Variants in WHRN observed in about 807,000 individuals in gnomAD.
WHRN encodes CASK-interacting protein CIP98.
Under a neutral mutation model 68.3 loss-of-function variants are expected in WHRN, and 41 were observed. That is an observed-to-expected ratio of 0.60 (90% CI 0.47 to 0.78). The LOEUF is 0.78. WHRN is among the 30% of genes least tolerant of loss of function. The pLI is 0.00. For missense variants in WHRN, 1,243 were observed against 1,244.7 expected (o/e 1.00, Z 0.02); for synonymous variants, 560 against 561.3 (o/e 1.00, Z 0.03).
At chr9:114,447,839 A>C (rs1026957370) in intron 3 of WHRN, among the ~76,000 whole-genome samples, 3 of 152,134 alleles carry the variant, frequency 2.0e-5, no homozygotes, top group African/African-American at 4.8e-5. Flanking sequence ...TATGCATTTT[A>C]AACTGCCCAA....
chr9:114,442,378 A>C (rs1838447019), intron 3 of WHRN, among the ~76,000 whole-genome samples: 1 of 152,234 alleles, frequency 6.6e-6, no homozygotes, highest in Non-Finnish European at 1.5e-5. Flanking sequence ...TCTTAGAGAA[A>C]AAAAATACTG....
chr9:114,406,648 G>T lies in WHRN; in HGVS notation c.1943C>A (p.Ser648Tyr), dbSNP rs142653982. The T allele has an allele frequency of 2.4e-4, 393 of 1,613,252 alleles. No individual in the cohort carries two copies. The African/African-American group carries it at 2.7e-3, about 11-fold the overall frequency. ...GTSSAQDLPS[S>Y]PIYASVSPAN... ...AGGGGAGACGGAGGCATAGATGGGG[G>T]AAGAGGGCAAGTCCTGTGCAGAGGA... is the stretch of plus-strand genomic sequence containing the variant. Residue 648 changes from serine (S) to tyrosine (Y), a missense_variant, in exon 9 of 12, where the codon TCC becomes TAC. Transcript: ENST00000362057.
chr9:114,463,744 C>T (rs1405827054), intron 3 of WHRN, among the ~76,000 whole-genome samples: 1 of 152,206 alleles, frequency 6.6e-6, no homozygotes, highest in Non-Finnish European at 1.5e-5. Flanking sequence ...TTATTTCCCC[C>T]TGGAGTCCAA....
At chr9:114,462,885 G>T (rs1159879798) in intron 3 of WHRN, among the ~76,000 whole-genome samples, 2 of 152,186 alleles carry the variant, frequency 1.3e-5, no homozygotes, top group Non-Finnish European at 2.9e-5. Flanking sequence ...CAATAAAAGG[G>T]TAAGAGGATA....
intron 3 of WHRN, among the ~76,000 whole-genome samples, chr9:114,437,593 T>C (rs1276080590): frequency 6.6e-6 from 1 of 152,192 alleles, no homozygotes; most frequent in Non-Finnish European, 1.5e-5. Context: ...GGTGGGGTCC[T>C]AATCCAAAAG....
intron 1 of WHRN, among the ~76,000 whole-genome samples, chr9:114,485,324 T>C (rs1343899976): frequency 6.6e-6 from 1 of 152,238 alleles, no homozygotes; most frequent in Non-Finnish European, 1.5e-5. Context: ...ACAATGGTGT[T>C]GGCTCTGTAG....
intron 3 of WHRN, among the ~76,000 whole-genome samples, chr9:114,435,322 G>GGA (rs1457466277): frequency 6.6e-6 from 1 of 152,170 alleles, no homozygotes; most frequent in African/African-American, 2.4e-5. Flanking sequence ...ATACAAACAA[G>GGA]CTAGTCCCCT....
intron 1 of WHRN, among the ~76,000 whole-genome samples, chr9:114,502,624 G>C (rs1317588005): frequency 6.6e-6 from 1 of 152,102 alleles, no homozygotes; most frequent in East Asian, 1.9e-4. Flanking sequence ...CTGAGTCTGG[G>C]GTGCAAATTG....
At chr9:114,466,155 G>T in intron 3 of WHRN, 112 bp downstream of exon 3, 1 of 1,547,346 alleles carries the variant, frequency 6.5e-7, no homozygotes, top group Non-Finnish European at 8.8e-7. Context: ...GGGCTCCCCA[G>T]CTGGGACCAG....
chr9:114,412,386 C>CT (rs904357671), intron 7 of WHRN, among the ~76,000 whole-genome samples: 4 of 152,316 alleles, frequency 2.6e-5, no homozygotes, highest in Admixed American at 2.6e-4. Flanking sequence ...CCCCCTCCCC[C>CT]TGTACCCACT....
intron 4 of WHRN, chr9:114,425,786 T>TA: frequency 3.4e-6 from 1 of 295,582 alleles, no homozygotes; most frequent in Non-Finnish European, 6.6e-6. Context: ...TTTATGACTT[T>TA]AAGACCCTCT....
rs182841689 is a variant in WHRN, at chr9:114,452,847, G to A, written c.963+13420C>T. ...TCCATTTCACACATGGGGATGCTGA[G>A]GGCCAGAAGGAAGGAAAGGACTGGC... On this transcript the variant is annotated intron_variant, in intron 3 of 11. Transcript: ENST00000362057. Among the ~76,000 whole-genome samples the A allele has an allele frequency of 5.1e-3, 774 of 152,274 alleles. 13 individuals are homozygous for A. Among genetic ancestry groups the A allele is most frequent in the Non-Finnish European group, 7.0e-3 (473 of 68,006 alleles).
intron 2 of WHRN, 120 bp downstream of exon 2, chr9:114,478,433 G>T: frequency 9.0e-7 from 1 of 1,110,206 alleles, no homozygotes; most frequent in Non-Finnish European, 1.4e-6. Context: ...AGACTTGAGG[G>T]AAGACAGAGC....
intron 7 of WHRN, among the ~76,000 whole-genome samples, chr9:114,421,831 C>T (rs1836313994): frequency 6.6e-6 from 1 of 152,216 alleles, no homozygotes; most frequent in South Asian, 2.1e-4. Context: ...GGAACTGCCT[C>T]TGCTGCAGCC....
Position 114,472,807 on chromosome 9 carries a change from G to GC in WHRN, c.837+5745_837+5746insG. 2.0e-5 allele frequency among the ~76,000 whole-genome samples: 3 copies of GC among 152,292 alleles called. 1 individual carries two copies. In the South Asian group the frequency reaches 6.2e-4, roughly 32 times the overall value. ...GGTTGTTGCTGGAATTCATTACTAT[G>GC]TCCAGGCACTGTGCTCTGTGCTTAT... On this transcript the variant is annotated intron_variant, in intron 2 of 11. Transcript: ENST00000362057.
chr9:114,464,506 G>A (rs1219275355), intron 3 of WHRN, among the ~76,000 whole-genome samples: 1 of 152,098 alleles, frequency 6.6e-6, no homozygotes, highest in Non-Finnish European at 1.5e-5. Flanking sequence ...TCTTTTATAA[G>A]GGCACTAATC....
chr9:114,404,428 G>T (rs969905456), intron 9 of WHRN, among the ~76,000 whole-genome samples: 1 of 152,228 alleles, frequency 6.6e-6, no homozygotes, highest in Admixed American at 6.5e-5. Context: ...CTCACATAAT[G>T]CTACCAATTT....
intron 3 of WHRN, among the ~76,000 whole-genome samples, chr9:114,432,773 G>A (rs1364773445): frequency 6.6e-6 from 1 of 152,172 alleles, no homozygotes; most frequent in Non-Finnish European, 1.5e-5. Flanking sequence ...ACATAAACAA[G>A]TAGCTAACAT....
At chr9:114,463,205 C>A (rs1401018039) in intron 3 of WHRN, among the ~76,000 whole-genome samples, 2 of 152,220 alleles carry the variant, frequency 1.3e-5, no homozygotes, top group African/African-American at 4.8e-5. Flanking sequence ...ACAGACATCA[C>A]TGACTTGCTT....
Sources: allele counts gnomAD v4.1 joint callset (sites outside exome capture counted in the v4.1 genomes callset), GRCh38; gene constraint gnomAD v4.1.1; transcripts MANE v1.5; gene names NCBI Gene and HGNC (gene_info 2026-07-23, HGNC 2026-07-21).